The following CGN variants were observed in gnomAD, a reference collection of about 807,000 sequenced individuals.
CGN encodes the protein cingulin.
In CGN, 121 loss-of-function variants were observed where a neutral mutation model predicts 157.1. That is an observed-to-expected ratio of 0.77 (90% CI 0.66 to 0.90). The LOEUF is 0.90. Among genes scored for constraint, CGN ranks in the 40% least tolerant of loss-of-function variants. The pLI is 0.00. For synonymous variants in CGN, 535 were observed against 607.5 expected, an observed-to-expected ratio of 0.88 and a Z score of 1.76; for missense variants, 1,424 against 1,520.9, an observed-to-expected ratio of 0.94 and a Z score of 1.06.
In CGN at chr1:151,536,868, A is replaced by G. The variant is rs1664980697; in HGVS notation, c.3445A>G (p.Ile1149Val). 1.2e-6 allele frequency: 2 copies of G among 1,614,018 alleles called. No homozygotes were observed. The highest frequency in any genetic ancestry group is 1.3e-5 in the African/African-American group (1 of 74,924). ...GGTCAATGAACAGCTCCAGGCCCGG[A>G]TCAAGTCTCTGGAGAAGGACTCCTG... ...HEVNEQLQAR[I>V]KSLEKDSWRK... is the part of the protein sequence containing the mutation. The change falls in exon 20 of 21, where the codon ATC becomes GTC. Residue 1149 changes from isoleucine (I) to valine (V), a missense_variant. Ile to Val is a conservative substitution (Grantham distance 29, BLOSUM62 3). Transcript: ENST00000271636.
At position 151,529,491 on chromosome 1, in the gene CGN, GA is replaced by G. The variant is rs1472147071; in HGVS notation, c.2040del (p.Glu681AsnfsTer66). ...CGAGGCTGATCGAGGTCGGGAGCTG[GA>G]AGAACAGAACCTCCAGCTACAAAAG... ...RVEADRGREL[E>X]EQNLQLQKTL... On this transcript the variant is annotated frameshift_variant, in exon 11 of 21. Coordinates refer to ENST00000271636, the MANE Select transcript of CGN (RefSeq NM_020770.3). LOFTEE classifies it high-confidence loss of function. 4.3e-6 allele frequency: 7 copies of G among 1,613,968 alleles called. No homozygotes were observed. Among genetic ancestry groups the G allele is most frequent in the Non-Finnish European group, 5.9e-6 (7 of 1,179,996 alleles).
Position 151,529,411 on chromosome 1 carries a change from T to A in CGN, c.1958T>A (p.Val653Glu). Residue 653 changes from valine (V) to glutamate (E), a missense_variant, in exon 11 of 21, where the codon GTG (valine) becomes GAG (glutamate). Val to Glu is a moderately radical substitution (Grantham distance 121). This residue lies in a region of CGN where 1,187 missense variants were observed against 1,217.6 expected (regional missense o/e 0.97). Transcript: ENST00000271636. ...CAGGCAGAACGGCAGAGCCAGGAGG[T>A]GGCTGGGCGACACCGGGACCGGGAG... ...ELQAERQSQE[V>E]AGRHRDRELE... 1.2e-6 allele frequency: 2 copies of A among 1,609,720 alleles called. No individual in the cohort carries two copies. Among genetic ancestry groups the A allele is most frequent in the South Asian group, 2.2e-5 (2 of 90,798 alleles).
chr1:151,516,245 G>A (rs1243771823), intron 1 of CGN, among the ~76,000 whole-genome samples: 1 of 152,194 alleles, frequency 6.6e-6, no homozygotes, highest in African/African-American at 2.4e-5. Flanking sequence ...AGAACTCCAT[G>A]GGGAGGTTGA....
At chr1:151,534,887 C>G in intron 15 of CGN, 155 bp from the exon 16 acceptor site, 2 of 623,788 alleles carry the variant, frequency 3.2e-6, no homozygotes, top group Non-Finnish European at 5.7e-6. Flanking sequence ...GGCGCTGGCT[C>G]CATAGTGGCT....
chr1:151,523,446 C>A lies in CGN; in HGVS notation c.1153C>A (p.Leu385Ile), dbSNP rs775996646. 1.2e-6 allele frequency: 2 copies of A among 1,612,648 alleles called. No individual in the cohort carries two copies. The highest frequency in any genetic ancestry group is 1.7e-5 in the Admixed American group (1 of 59,754). The change falls in exon 6 of 21, where the codon CTA becomes ATA. Residue 385 changes from leucine (L) to isoleucine (I), a missense_variant. Transcript: ENST00000271636. ...LDEEVKKRQK[L>I]EPSQVGLERQ... ...TTCCCTTTTACAGAAGCGGCAGAAG[C>A]TAGAGCCATCCCAAGTTGGGCTGGA...
chr1:151,528,110 C>T (rs1039347766), intron 10 of CGN, among the ~76,000 whole-genome samples: 3 of 151,382 alleles, frequency 2.0e-5, no homozygotes, highest in Admixed American at 6.6e-5. Context: ...CGCCCACCAC[C>T]ACGCCCGGCT....
At position 151,530,681 on chromosome 1, in the gene CGN, G is replaced by A. The variant is rs1199067444; in HGVS notation, c.2506G>A (p.Gly836Ser). ...GAAGCAGCGGGAGGTGCTCCGGCGA[G>A]GCAAGGCTGAGCTGGAGGAGCAGAA... ...EGKQREVLRR[G>S]KAELEEQKRL... The change falls in exon 13 of 21, where the codon GGC becomes AGC. Residue 836 changes from glycine (G) to serine (S), a missense_variant. Around this residue, in one of 3 missense-constraint regions of CGN, gnomAD observed 1,187 missense variants for 1,217.6 expected, o/e 0.97. Coordinates refer to ENST00000271636, the MANE Select transcript of CGN (RefSeq NM_020770.3). 5 of 1,563,064 alleles carry A rather than the reference G, an allele frequency of 3.2e-6. 1 individual carries two copies. The South Asian group carries it at 4.7e-5, about 15-fold the overall frequency.
chr1:151,527,950 A>ATATTT (rs1162526104), intron 10 of CGN: 4 of 81,530 alleles, frequency 4.9e-5, no homozygotes, highest in African/African-American at 1.0e-4. Flanking sequence ...ATATATATAT[A>ATATTT]TTTTTTTTTT....
chr1:151,524,100 C>T lies in CGN; in HGVS notation c.1269-126C>T. On this transcript the variant is annotated intron_variant, in intron 6 of 20. Coordinates refer to ENST00000271636, the MANE Select transcript of CGN (RefSeq NM_020770.3). This position sits in a 1 kb window ranked among gnomAD's most constrained non-coding sequence, Gnocchi z 4.4. The stretch of plus-strand genomic sequence containing the variant: ...TTGTAGCGGGGCAGGTTGCAAAAAT[C>T]AGGGGAGGCCTCATCAAGATTTGAA... 1 of 919,082 alleles carries T rather than the reference C, an allele frequency of 1.1e-6. No individual in the cohort carries two copies. The highest frequency in any genetic ancestry group is 2.7e-5 in the Admixed American group (1 of 37,640). 56.9% of individuals were successfully genotyped at this position (919,082 alleles called of 1,614,324 possible). A position where few individuals can be genotyped will look rare whatever the true frequency, so the allele number is the denominator to read the frequency against.
intron 8 of CGN, 135 bp from the exon 9 acceptor site, chr1:151,525,507 A>T (rs1196964073): frequency 1.1e-5 from 6 of 535,118 alleles, no homozygotes; most frequent in Non-Finnish European, 1.9e-5. Flanking sequence ...TGTACCAGGT[A>T]CCACAAGAGT....
At chr1:151,535,353 C>G (rs1284039166) in intron 16 of CGN, among the ~76,000 whole-genome samples, 4 of 152,182 alleles carry the variant, frequency 2.6e-5, no homozygotes, top group Admixed American at 1.3e-4. Flanking sequence ...GTGGCCTGGG[C>G]TGTTCTCTGA....
At chr1:151,518,460 T>C (rs1664458149) in intron 1 of CGN, 46 bp from the exon 2 acceptor site, 1 of 1,483,572 alleles carries the variant, frequency 6.7e-7, no homozygotes, top group South Asian at 1.3e-5. Flanking sequence ...AGTTTCATAG[T>C]TTCTAGTGAA....
At chr1:151,526,885 A>G (rs994091066) in intron 9 of CGN, 90 bp from the exon 10 acceptor site, 40 of 1,495,774 alleles carry the variant, frequency 2.7e-5, no homozygotes, top group Non-Finnish European at 3.6e-5. Context: ...TGGCCTCCAG[A>G]GAGGTGGCTT....
At chr1:151,530,200 TG>T in intron 12 of CGN, 85 bp downstream of exon 12, 1 of 1,419,708 alleles carries the variant, frequency 7.0e-7, no homozygotes, top group Non-Finnish European at 9.7e-7. Context: ...AGTTTCACTT[TG>T]CCCTTAGTGT....
At chr1:151,520,067 G>C in intron 2 of CGN, 99 bp from the exon 3 acceptor site, 1 of 845,876 alleles carries the variant, frequency 1.2e-6, no homozygotes, top group Non-Finnish European at 1.8e-6. Flanking sequence ...ACCTGAGACT[G>C]CCACTTCTCC....
chr1:151,523,316 A>C (rs1375682976), intron 5 of CGN, 118 bp from the exon 6 acceptor site: 1 of 892,252 alleles, frequency 1.1e-6, no homozygotes, highest in Non-Finnish European at 1.7e-6. Flanking sequence ...TAAGGTCCTA[A>C]GTATAGTGTC....
In CGN at chr1:151,529,431, C is replaced by T. The variant is rs931963460; in HGVS notation, c.1978C>T (p.Arg660Trp). 25 of 1,613,636 alleles carry T rather than the reference C, an allele frequency of 1.5e-5. No individual in the cohort carries two copies. Among genetic ancestry groups the T allele is most frequent in the East Asian group, 2.2e-5 (1 of 44,870 alleles). Residue 660 changes from arginine (R) to tryptophan (W), a missense_variant, in exon 11 of 21, where the codon CGG becomes TGG. Around this residue, in one of 3 missense-constraint regions of CGN, gnomAD observed 1,187 missense variants for 1,217.6 expected, o/e 0.97. Coordinates refer to ENST00000271636, the MANE Select transcript of CGN (RefSeq NM_020770.3). ...GGAGGTGGCTGGGCGACACCGGGAC[C>T]GGGAGTTGGAGAAGCAGCTGGCGGT... ...SQEVAGRHRD[R>W]ELEKQLAVLR...
chr1:151,519,226 C>A lies in CGN; in HGVS notation c.707C>A (p.Thr236Asn). The A allele has an allele frequency of 1.2e-6, 2 of 1,614,160 alleles. No individual in the cohort carries two copies. Among genetic ancestry groups the A allele is most frequent in the South Asian group, 1.1e-5 (1 of 91,084 alleles). Residue 236 changes from threonine to asparagine, a missense_variant, in exon 2 of 21, where the codon ACC (threonine) becomes AAC (asparagine). This residue lies in a region of CGN where 1,187 missense variants were observed against 1,217.6 expected (regional missense o/e 0.97). Transcript: ENST00000271636. ...GAGCGCCAGTCCACCAACCACTGGA[C>A]CTCTAGCACAAAATATGACAACCAT... ...ERERQSTNHW[T>N]SSTKYDNHVG... is the part of the protein sequence containing the mutation.
chr1:151,511,043 G>A (rs1664269078), upstream of CGN: 1 of 152,290 alleles, frequency 6.6e-6, no homozygotes, highest in African/African-American at 2.4e-5. This position sits in a 1 kb window ranked among gnomAD's most constrained non-coding sequence, Gnocchi z 4.8. Flanking sequence ...GATTCCCTTG[G>A]AGTAAACGGG....
Sources: allele counts gnomAD v4.1 joint callset (sites outside exome capture counted in the v4.1 genomes callset), GRCh38; gene constraint gnomAD v4.1.1; regional missense constraint gnomAD v4.1.1; non-coding constraint Gnocchi (gnomAD v3.1); transcripts MANE v1.5; gene names NCBI Gene and HGNC (gene_info 2026-07-23, HGNC 2026-07-21).